ZKSCAN5: variants seen among roughly 807,000 people sequenced by gnomAD.
ZKSCAN5 encodes the protein zinc finger with KRAB and SCAN domains 5.
In ZKSCAN5, 28 loss-of-function variants were observed where a neutral mutation model predicts 60.0. That is an observed-to-expected ratio of 0.47 (90% confidence interval 0.35 to 0.64). The LOEUF is 0.64. Among genes scored for constraint, ZKSCAN5 ranks in the 30% least tolerant of loss-of-function variants. The pLI, the probability that ZKSCAN5 is intolerant of heterozygous loss-of-function variation, is 0.01. For missense variants in ZKSCAN5, 881 were observed against 1,034.6 expected (o/e 0.85, Z 2.04); for synonymous variants, 361 against 371.2 (o/e 0.97, Z 0.31).
At chr7:99,530,054 G>A (rs1240917134) in intron 6 of ZKSCAN5, among the ~76,000 whole-genome samples, 2 of 49,124 alleles carry the variant, frequency 4.1e-5, no homozygotes, top group African/African-American at 1.9e-4. Flanking sequence ...TTTTTTTTTT[G>A]AGATGGAGTC....
chr7:99,530,742 A>G (rs934439959), intron 6 of ZKSCAN5, among the ~76,000 whole-genome samples: 1 of 152,044 alleles, frequency 6.6e-6, no homozygotes, highest in Non-Finnish European at 1.5e-5. Flanking sequence ...ATTTTTTATG[A>G]CAGTTTATTT....
chr7:99,526,375 G>T lies in ZKSCAN5; in HGVS notation c.1335G>T (p.Leu445=). ...AGAACTTCGGTCGCCATTCGCATCTGATCGAACACCTAAAACGCCACTTCA... is the reference window on the plus strand; with the variant it reads ...AGAACTTCGGTCGCCATTCGCATCTTATCGAACACCTAAAACGCCACTTCA... ...CGKNFGRHSH[L]IEHLKRHFRE... Residue 445 remains leucine, a synonymous_variant, in exon 6 of 7, where the codon CTG becomes CTT. Transcript: ENST00000326775. The T allele has an allele frequency of 2.5e-6, 4 of 1,602,838 alleles. No individual in the cohort carries two copies. The highest frequency in any genetic ancestry group is 3.4e-6 in the Non-Finnish European group (4 of 1,179,950).
intron 1 of ZKSCAN5, chr7:99,505,032 G>T (rs1800646794): frequency 6.6e-6 from 1 of 152,240 alleles, no homozygotes; most frequent in Admixed American, 6.6e-5. Context: ...GGCTCCGTTT[G>T]CCTCCCCGCT....
chr7:99,525,497 GCACA>G (rs374340957), intron 5 of ZKSCAN5, among the ~76,000 whole-genome samples: 46 of 150,882 alleles, frequency 3.0e-4, no homozygotes, highest in Middle Eastern at 3.4e-3. Flanking sequence ...ACGCGCGCGC[GCACA>G]CACACACACA....
At position 99,506,078 on chromosome 7, in the gene ZKSCAN5, T is replaced by C; in HGVS notation, c.34T>C (p.Leu12=). The C allele has an allele frequency of 1.2e-6, 2 of 1,614,108 alleles. No homozygotes were observed. The highest frequency in any genetic ancestry group is 1.7e-6 in the Non-Finnish European group (2 of 1,180,004). Residue 12 remains leucine, a synonymous_variant, in exon 2 of 7, where the codon TTA becomes CTA. Coordinates refer to ENST00000326775, the MANE Select transcript of ZKSCAN5 (RefSeq NM_145102.4). ...GACCGAATCCCGAGAAGTTATAGAC[T>C]TAGACCCCCCAGCTGAGACTTCCCA... The part of the protein sequence containing the change: ...IMTESREVID[L]DPPAETSQEQ...
At chr7:99,520,614 T>G (rs1801492398) in intron 5 of ZKSCAN5, among the ~76,000 whole-genome samples, 1 of 152,200 alleles carries the variant, frequency 6.6e-6, no homozygotes, top group Non-Finnish European at 1.5e-5. Context: ...CTCACACCTG[T>G]GATCCTAGCA....
chr7:99,525,841 C>T lies in ZKSCAN5; in HGVS notation c.801C>T (p.Leu267=), dbSNP rs1445837494. Reference sequence around the variant, plus strand: ...ATGAGTCCAGGGACAATATGGAGCTCATAGTGAAGCAGATTTCTGATGACT... The same window carrying T: ...ATGAGTCCAGGGACAATATGGAGCTTATAGTGAAGCAGATTTCTGATGACT... ...MGYESRDNME[L]IVKQISDDSE... is the part of the protein sequence containing the mutation. The change falls in exon 6 of 7, where the codon CTC becomes CTT. Residue 267 remains leucine, a synonymous_variant. Transcript: ENST00000326775. The T allele has an allele frequency of 1.9e-6, 3 of 1,613,214 alleles. No homozygotes were observed. The highest frequency in any genetic ancestry group is 1.1e-5 in the South Asian group (1 of 91,064).
At chr7:99,512,961 A>C (rs894607141) in intron 3 of ZKSCAN5, among the ~76,000 whole-genome samples, 5 of 141,332 alleles carry the variant, frequency 3.5e-5, no homozygotes, top group South Asian at 2.5e-4. Context: ...ATATCTCCCA[A>C]TGCTATCCCT....
At chr7:99,507,025 C>G (rs1800768947) in intron 2 of ZKSCAN5, among the ~76,000 whole-genome samples, 1 of 152,002 alleles carries the variant, frequency 6.6e-6, no homozygotes, top group African/African-American at 2.4e-5. Context: ...TGACATGATA[C>G]AAAATTCAAA....
chr7:99,506,076 A>T lies in ZKSCAN5; in HGVS notation c.32A>T (p.Asp11Val). MIMTESREVI[D>V]LDPPAETSQE... ...ATGACCGAATCCCGAGAAGTTATAG[A>T]CTTAGACCCCCCAGCTGAGACTTCC... The change falls in exon 2 of 7, where the codon GAC becomes GTC. Residue 11 changes from aspartate (D) to valine (V), a missense_variant. Physicochemically the swap from Asp to Val is radical, Grantham distance 152 (BLOSUM62 -3). Around this residue, in one of 5 missense-constraint regions of ZKSCAN5, gnomAD observed 88 missense variants for 65.2 expected, o/e 1.35. Transcript: ENST00000326775. 6.2e-7 allele frequency: 1 copy of T among 1,614,118 alleles called. No individual in the cohort carries two copies. Among genetic ancestry groups the T allele is most frequent in the Non-Finnish European group, 8.5e-7 (1 of 1,180,020 alleles).
intron 6 of ZKSCAN5, among the ~76,000 whole-genome samples, chr7:99,528,718 A>G (rs532095681): frequency 1.7e-4 from 26 of 152,238 alleles, no homozygotes; most frequent in African/African-American, 6.3e-4. Context: ...GTGAGCCACC[A>G]TGCCCGGTCC....
intron 6 of ZKSCAN5, among the ~76,000 whole-genome samples, chr7:99,528,555 T>C (rs946151564): frequency 7.9e-5 from 12 of 152,110 alleles, no homozygotes; most frequent in African/African-American, 2.7e-4. Context: ...GCTTCCTGCA[T>C]AGCTGGGACT....
Position 99,506,083 on chromosome 7 carries a change from C to A in ZKSCAN5, c.39C>A (p.Asp13Glu), listed in dbSNP as rs747925265. 6 of 1,614,058 alleles carry A rather than the reference C, an allele frequency of 3.7e-6. No homozygotes were observed. The highest frequency in any genetic ancestry group is 2.2e-5 in the South Asian group (2 of 91,076). The stretch of plus-strand genomic sequence containing the variant: ...AATCCCGAGAAGTTATAGACTTAGA[C>A]CCCCCAGCTGAGACTTCCCAGGAGC... ...MTESREVIDL[D>E]PPAETSQEQE... The change falls in exon 2 of 7, where the codon GAC becomes GAA. Residue 13 changes from aspartate (D) to glutamate (E), a missense_variant. This residue lies in a region of ZKSCAN5 where 88 missense variants were observed against 65.2 expected (regional missense o/e 1.35). Transcript: ENST00000326775.
At chr7:99,527,409 A>G (rs1294887144) in intron 6 of ZKSCAN5, among the ~76,000 whole-genome samples, 2 of 152,234 alleles carry the variant, frequency 1.3e-5, no homozygotes, top group Admixed American at 1.3e-4. Context: ...AAAAGAAAAA[A>G]TAAATCACCC....
At chr7:99,523,938 T>C (rs572395355) in intron 5 of ZKSCAN5, among the ~76,000 whole-genome samples, 268 of 152,252 alleles carry the variant, frequency 1.8e-3, no homozygotes, top group Admixed American at 2.9e-3. Flanking sequence ...TACCATAAAA[T>C]TGTAAAGTAC....
chr7:99,528,909 A>C (rs1302654050), intron 6 of ZKSCAN5, among the ~76,000 whole-genome samples: 1 of 152,166 alleles, frequency 6.6e-6, no homozygotes, highest in Non-Finnish European at 1.5e-5. Flanking sequence ...AGCATTCCCA[A>C]AGGAGAAGGA....
intron 3 of ZKSCAN5, among the ~76,000 whole-genome samples, chr7:99,516,168 G>T (rs567827873): frequency 6.6e-6 from 1 of 152,200 alleles, no homozygotes; most frequent in South Asian, 2.1e-4. Flanking sequence ...TTCAGCAGCA[G>T]CTTCTCTCCT....
intron 2 of ZKSCAN5, among the ~76,000 whole-genome samples, chr7:99,509,299 T>G (rs1395349561): frequency 1.3e-5 from 2 of 152,152 alleles, no homozygotes; most frequent in Admixed American, 1.3e-4. Context: ...AATTTTTGTA[T>G]TTTTAGTAGA....
intron 3 of ZKSCAN5, among the ~76,000 whole-genome samples, chr7:99,514,712 G>A (rs1295641209): frequency 6.6e-6 from 1 of 152,080 alleles, no homozygotes; most frequent in East Asian, 1.9e-4. Flanking sequence ...TTTGAGACCA[G>A]CCTGACCAAC....
Sources: gnomAD v4.1 joint callset for allele counts (sites outside exome capture counted in the v4.1 genomes callset) on GRCh38, gnomAD v4.1.1 for gene constraint, gnomAD v4.1.1 regional missense constraint, MANE v1.5 for transcripts, NCBI Gene and HGNC (gene_info 2026-07-23, HGNC 2026-07-21) for gene names.